The following RPS6KA6 variants were observed in gnomAD, a reference collection of about 807,000 sequenced individuals.
RPS6KA6 encodes ribosomal protein S6 kinase alpha-6.
A neutral mutation model predicts 65.4 loss-of-function variants in RPS6KA6; 27 were observed. The ratio of observed to expected loss-of-function variants is 0.41; its 90% CI spans 0.30 to 0.57. RPS6KA6 has a LOEUF of 0.57. Ranked by LOEUF, RPS6KA6 falls within the 20% of genes least tolerant of loss-of-function variation. RPS6KA6 has a pLI of 0.24. For synonymous variants in RPS6KA6, 190 were observed against 184.2 expected (o/e 1.03, Z -0.26); for missense variants, 486 against 555.6 (o/e 0.87, Z 1.26).
chrX:84,134,859 T>C, intron 7 of RPS6KA6, 40 bp from the exon 8 acceptor site: 1 of 960,497 alleles, frequency 1.0e-6, no homozygotes, highest in East Asian at 3.2e-5. Context: ...TGGAATAAAA[T>C]ATTTTACATA....
At chrX:84,186,419 C>A (rs2035928429) in intron 1 of RPS6KA6, among the ~76,000 whole-genome samples, 1 of 111,830 alleles carries the variant, frequency 8.9e-6, no homozygotes, top group African/African-American at 3.3e-5. Context: ...AGTTAGCATT[C>A]CCACATTTCA....
chrX:84,097,453 G>A (rs774832276), intron 19 of RPS6KA6, among the ~76,000 whole-genome samples: 2 of 110,802 alleles, frequency 1.8e-5, no homozygotes, highest in African/African-American at 3.3e-5. Context: ...AGTTCAGTGG[G>A]CAAGTTGTTG....
chrX:84,073,920 G>A (rs1378312218), intron 20 of RPS6KA6, among the ~76,000 whole-genome samples: 1 of 111,278 alleles, frequency 9.0e-6, no homozygotes, highest in Non-Finnish European at 1.9e-5. Flanking sequence ...TATACTATTG[G>A]TGGGAATGTA....
chrX:84,099,899 C>A (rs950996008), intron 18 of RPS6KA6, among the ~76,000 whole-genome samples: 2 of 111,018 alleles, frequency 1.8e-5, no homozygotes, highest in Non-Finnish European at 3.8e-5. Context: ...TAGCTCTTAG[C>A]AAAAACTTTA....
chrX:84,069,127 T>G (rs1335996503), intron 20 of RPS6KA6, among the ~76,000 whole-genome samples: 2 of 111,854 alleles, frequency 1.8e-5, no homozygotes, highest in Non-Finnish European at 3.8e-5. Flanking sequence ...GCATAAAGAA[T>G]AAATCTGGAG....
chrX:84,175,226 G>A (rs1309991382), intron 1 of RPS6KA6, among the ~76,000 whole-genome samples: 1 of 111,103 alleles, frequency 9.0e-6, no homozygotes. Context: ...CTCAGTATAC[G>A]TGGGAGATTG....
At chrX:84,110,137 A>G (rs1342374017) in intron 12 of RPS6KA6, among the ~76,000 whole-genome samples, 7 of 111,968 alleles carry the variant, frequency 6.3e-5, no homozygotes, top group African/African-American at 2.3e-4. Context: ...TGTGGCTATC[A>G]GCTATACTGC....
At chrX:84,156,718 G>A (rs770885653) in intron 2 of RPS6KA6, among the ~76,000 whole-genome samples, 10 of 111,538 alleles carry the variant, frequency 9.0e-5, no homozygotes, top group Non-Finnish European at 1.7e-4. Context: ...GCTATGGCCC[G>A]TTTACTGAAA....
At position 84,064,247 on chromosome X, in the gene RPS6KA6, A is replaced by T. The variant is rs1046055608; in HGVS notation, c.*30T>A. On this transcript the variant is annotated 3_prime_UTR_variant, in exon 22 of 22. Coordinates refer to ENST00000262752, the MANE Select transcript of RPS6KA6 (RefSeq NM_014496.5). The stretch of plus-strand genomic sequence containing the variant: ...AAGCCACACATTTAATTTCATCTTC[A>T]TCCAGTTTGGCCTAGGAACACCACA... 2 of 1,196,089 alleles carry T rather than the reference A, an allele frequency of 1.7e-6. No homozygotes were observed. The highest frequency in any genetic ancestry group is 2.3e-5 in the Admixed American group (1 of 43,438).
chrX:84,133,207 A>G (rs1003210020), intron 8 of RPS6KA6, among the ~76,000 whole-genome samples: 10 of 111,884 alleles, frequency 8.9e-5, no homozygotes, highest in African/African-American at 3.2e-4. Context: ...AAATGGGTTA[A>G]AATACTTGCT....
chrX:84,138,840 T>C (rs913191859), intron 6 of RPS6KA6, among the ~76,000 whole-genome samples: 8 of 95,307 alleles, frequency 8.4e-5, no homozygotes, highest in Non-Finnish European at 1.7e-4. Flanking sequence ...TGTGTGTGTG[T>C]GTACATTCTG....
chrX:84,077,214 G>T (rs1360134029), intron 20 of RPS6KA6, among the ~76,000 whole-genome samples: 1 of 110,916 alleles, frequency 9.0e-6, no homozygotes, highest in Non-Finnish European at 1.9e-5. Context: ...ATCCTAGCAG[G>T]CTTCTTTTTC....
At chrX:84,129,024 C>G (rs746176586) in intron 8 of RPS6KA6, among the ~76,000 whole-genome samples, 13 of 110,794 alleles carry the variant, frequency 1.2e-4, no homozygotes, top group Non-Finnish European at 2.3e-4. Context: ...AGCTTCTGCA[C>G]GGCAAAGGAA....
intron 10 of RPS6KA6, 45 bp from the exon 11 acceptor site, chrX:84,117,193 T>C (rs2147465742): frequency 9.8e-7 from 1 of 1,025,305 alleles, no homozygotes; most frequent in Non-Finnish European, 1.3e-6. Context: ...TTTAGCCACA[T>C]TTTTGATTTG....
intron 6 of RPS6KA6, among the ~76,000 whole-genome samples, chrX:84,136,920 G>T (rs1471882471): frequency 9.0e-6 from 1 of 111,585 alleles, no homozygotes; most frequent in Non-Finnish European, 1.9e-5. Context: ...TGAACTCAGG[G>T]ATACTTGTCC....
At chrX:84,131,671 A>G (rs1379874407) in intron 8 of RPS6KA6, among the ~76,000 whole-genome samples, 2 of 112,208 alleles carry the variant, frequency 1.8e-5, no homozygotes. Flanking sequence ...GTTATTTAAC[A>G]ACTATAATTT....
chrX:84,108,187 T>TG (rs1359766420), intron 12 of RPS6KA6, among the ~76,000 whole-genome samples: 1 of 112,385 alleles, frequency 8.9e-6, no homozygotes, highest in Non-Finnish European at 1.9e-5. Context: ...CTAAAATCTA[T>TG]GCTTTTGAAA....
intron 12 of RPS6KA6, among the ~76,000 whole-genome samples, chrX:84,114,167 T>C (rs2034521838): frequency 9.0e-6 from 1 of 111,528 alleles, no homozygotes; most frequent in Non-Finnish European, 1.9e-5. Context: ...CTCATGCTCA[T>C]GAATTGAAAG....
At chrX:84,154,338 A>C (rs1027917699) in intron 3 of RPS6KA6, among the ~76,000 whole-genome samples, 5 of 111,151 alleles carry the variant, frequency 4.5e-5, no homozygotes, top group Non-Finnish European at 7.6e-5. Flanking sequence ...GAAAGCCTTA[A>C]ATCCTTTCTG....
Sources: gnomAD v4.1 joint callset for allele counts (sites outside exome capture counted in the v4.1 genomes callset) on GRCh38, gnomAD v4.1.1 for gene constraint, MANE v1.5 for transcripts, NCBI Gene and HGNC (gene_info 2026-07-23, HGNC 2026-07-21) for gene names.